ANXA8: variants seen among roughly 807,000 people sequenced by gnomAD.
The protein encoded by ANXA8 is VAC-beta.
A neutral mutation model predicts 26.8 loss-of-function variants in ANXA8; 9 were observed. The observed-to-expected ratio is 0.34, with a 90% CI of 0.20 to 0.59. ANXA8 has a LOEUF of 0.59. Ranked by LOEUF, ANXA8 falls within the 20% of genes least tolerant of loss-of-function variation. ANXA8 has a pLI of 0.84. For synonymous variants in ANXA8, 39 were observed against 94.8 expected (o/e 0.41, Z 3.42); for missense variants, 83 against 238.5 (o/e 0.35, Z 4.29).
the ANXA8 span, chr10:47,991,581 C>T: frequency 6.2e-7 from 1 of 1,605,430 alleles, no homozygotes; most frequent in Non-Finnish European, 8.5e-7. Flanking sequence ...TAGACTGAGC[C>T]ACTCCCAGCC....
chr10:47,483,536 C>T (rs1286413544), intron 1 of ANXA8, among the ~76,000 whole-genome samples: 1 of 137,070 alleles, frequency 7.3e-6, no homozygotes, highest in Non-Finnish European at 1.5e-5. Flanking sequence ...ATGCCTGATT[C>T]TCCCCAAATG....
chr10:47,764,530 C>T, the ANXA8 span, among the ~76,000 whole-genome samples: 1 of 94,902 alleles, frequency 1.1e-5, no homozygotes, highest in African/African-American at 4.0e-5. Context: ...CTCTCCCACT[C>T]CAGGTCATTT....
chr10:47,676,580 CA>C, the ANXA8 span, among the ~76,000 whole-genome samples: 4 of 151,914 alleles, frequency 2.6e-5, no homozygotes, highest in South Asian at 6.2e-4. Flanking sequence ...TGCTTGAACC[CA>C]GGAGTTTGAG....
At chr10:47,967,457 C>T in the ANXA8 span, among the ~76,000 whole-genome samples, 1 of 134,756 alleles carries the variant, frequency 7.4e-6, no homozygotes, top group African/African-American at 2.8e-5. Flanking sequence ...AAACTTTAAA[C>T]CATATAATTG....
the ANXA8 span, among the ~76,000 whole-genome samples, chr10:47,687,579 A>G: frequency 2.6e-5 from 4 of 151,848 alleles, no homozygotes; most frequent in Admixed American, 6.6e-5. Context: ...CCAACATTTC[A>G]AGATAATATA....
the ANXA8 span, among the ~76,000 whole-genome samples, chr10:47,937,887 T>C: frequency 7.3e-6 from 1 of 137,830 alleles, no homozygotes; most frequent in Non-Finnish European, 1.6e-5. Flanking sequence ...TAGTATTCCA[T>C]AGTGTATATG....
the ANXA8 span, among the ~76,000 whole-genome samples, chr10:47,651,580 T>C: frequency 1.3e-5 from 2 of 150,178 alleles, no homozygotes; most frequent in Non-Finnish European, 3.0e-5. Context: ...TAAATGTAGA[T>C]CAGCTGATGA....
the ANXA8 span, among the ~76,000 whole-genome samples, chr10:47,679,266 A>G: frequency 6.6e-6 from 1 of 152,024 alleles, no homozygotes; most frequent in Non-Finnish European, 1.5e-5. Flanking sequence ...TCTCAGATCC[A>G]AGAAACTCAG....
chr10:47,703,964 A>G, the ANXA8 span, among the ~76,000 whole-genome samples: 6 of 143,804 alleles, frequency 4.2e-5, no homozygotes, highest in Admixed American at 1.4e-4. Context: ...CGTTCTACTA[A>G]ATAAATGATC....
At chr10:47,900,338 CT>C in the ANXA8 span, among the ~76,000 whole-genome samples, 4 of 151,896 alleles carry the variant, frequency 2.6e-5, no homozygotes, top group Non-Finnish European at 5.9e-5. Context: ...ATATCCCCAT[CT>C]ACAAGATGAG....
the ANXA8 span, among the ~76,000 whole-genome samples, chr10:47,679,972 G>T: frequency 2.0e-5 from 3 of 151,730 alleles, no homozygotes; most frequent in African/African-American, 2.4e-5. Context: ...CTGGTGTTCG[G>T]TTTTTTGTTT....
chr10:47,689,665 G>T, the ANXA8 span: 2 of 701,706 alleles, frequency 2.9e-6, no homozygotes, highest in South Asian at 2.3e-5. Context: ...AAAATATGCT[G>T]ACAATATATT....
chr10:47,720,225 C>T, the ANXA8 span, among the ~76,000 whole-genome samples: 1 of 145,416 alleles, frequency 6.9e-6, no homozygotes, highest in Non-Finnish European at 1.5e-5. Flanking sequence ...AAAAATTACC[C>T]AGGAATCGTT....
chr10:47,521,543 T>A, the ANXA8 span, among the ~76,000 whole-genome samples: 2 of 141,146 alleles, frequency 1.4e-5, no homozygotes, highest in African/African-American at 2.6e-5. Flanking sequence ...AGTAATGAAA[T>A]CTCTGGCATT....
At chr10:47,554,343 A>G in the ANXA8 span, among the ~76,000 whole-genome samples, 1 of 147,974 alleles carries the variant, frequency 6.8e-6, no homozygotes, top group East Asian at 2.0e-4. Context: ...TAAATAAAAT[A>G]AGGCCCTCTT....
At chr10:47,581,670 G>A in the ANXA8 span, 436 of 350,214 alleles carry the variant, frequency 1.2e-3, 1 homozygote, top group Middle Eastern at 7.1e-3. Context: ...GCAGTGGCAC[G>A]ATCTCAGCTC....
At chr10:47,734,323 CAT>C in the ANXA8 span, among the ~76,000 whole-genome samples, 1 of 140,478 alleles carries the variant, frequency 7.1e-6, no homozygotes, top group African/African-American at 2.7e-5. Flanking sequence ...CCATATTGCA[CAT>C]GTGTGTGTGT....
the ANXA8 span, among the ~76,000 whole-genome samples, chr10:47,581,846 C>A: frequency 6.6e-6 from 1 of 150,852 alleles, no homozygotes; most frequent in South Asian, 2.1e-4. Flanking sequence ...ACTTTGTGAT[C>A]CGCCTGCCTT....
At chr10:47,673,893 T>C in the ANXA8 span, among the ~76,000 whole-genome samples, 1 of 148,714 alleles carries the variant, frequency 6.7e-6, no homozygotes, top group Non-Finnish European at 1.5e-5. Flanking sequence ...AAGTCCATAC[T>C]TTATTTACCT....
Sources: gnomAD v4.1 joint callset for allele counts (sites outside exome capture counted in the v4.1 genomes callset) on GRCh38, gnomAD v4.1.1 for gene constraint, MANE v1.5 for transcripts, NCBI Gene and HGNC (gene_info 2026-07-23, HGNC 2026-07-21) for gene names.